NR2F1-AS1: variants seen among roughly 807,000 people sequenced by gnomAD.
The protein encoded by NR2F1-AS1 is NR2F1 antisense RNA 1.
chr5:93,479,059 G>A (rs1194260706), intron 4 of NR2F1-AS1, among the ~76,000 whole-genome samples: 1 of 152,182 alleles, frequency 6.6e-6, no homozygotes, highest in Non-Finnish European at 1.5e-5. Context: ...GTGTCTAGAG[G>A]AGTGCTTGAT....
chr5:93,417,155 G>A (rs938181280), intron 4 of NR2F1-AS1, among the ~76,000 whole-genome samples: 2 of 152,152 alleles, frequency 1.3e-5, no homozygotes, highest in East Asian at 1.9e-4. Flanking sequence ...AAGGAATAGT[G>A]CCATCCCCCT....
chr5:93,580,296 C>G (rs550417440), intron 1 of NR2F1-AS1, among the ~76,000 whole-genome samples: 68 of 152,384 alleles, frequency 4.5e-4, no homozygotes, highest in African/African-American at 1.6e-3. Flanking sequence ...GAGACAGAGG[C>G]CGAGCGAGGG....
chr5:93,557,648 C>T (rs1311344589), intron 2 of NR2F1-AS1, among the ~76,000 whole-genome samples: 3 of 151,988 alleles, frequency 2.0e-5, no homozygotes, highest in South Asian at 2.1e-4. Flanking sequence ...GAGAGTCTTG[C>T]CTTGAAGTTG....
chr5:93,483,736 C>G (rs1384661050), intron 4 of NR2F1-AS1, among the ~76,000 whole-genome samples: 1 of 152,088 alleles, frequency 6.6e-6, no homozygotes, highest in Non-Finnish European at 1.5e-5. Flanking sequence ...CTAGAATAAC[C>G]AGTTTAGAGA....
At chr5:93,521,460 G>C (rs772698930) in intron 4 of NR2F1-AS1, among the ~76,000 whole-genome samples, 4 of 152,048 alleles carry the variant, frequency 2.6e-5, no homozygotes, top group Non-Finnish European at 4.4e-5. Flanking sequence ...TGCAAACTAT[G>C]TACCCAACAG....
At chr5:93,526,026 T>C (rs760897077) in intron 4 of NR2F1-AS1, among the ~76,000 whole-genome samples, 25 of 151,610 alleles carry the variant, frequency 1.6e-4, no homozygotes, top group Admixed American at 9.9e-4. Context: ...CTGAAGGAGA[T>C]AGACACAAAA....
intron 4 of NR2F1-AS1, among the ~76,000 whole-genome samples, chr5:93,470,309 A>G (rs943601345): frequency 6.6e-6 from 1 of 151,948 alleles, no homozygotes; most frequent in African/African-American, 2.4e-5. Flanking sequence ...GTTTGAGAGC[A>G]TATGACCTTG....
chr5:93,490,327 T>A (rs1750808870), intron 4 of NR2F1-AS1, among the ~76,000 whole-genome samples: 1 of 152,238 alleles, frequency 6.6e-6, no homozygotes, highest in Non-Finnish European at 1.5e-5. Context: ...ATTTGGGCTA[T>A]CTACTATGTG....
chr5:93,569,137 G>T (rs1752683901), intron 1 of NR2F1-AS1, among the ~76,000 whole-genome samples: 2 of 152,030 alleles, frequency 1.3e-5, no homozygotes, highest in Non-Finnish European at 2.9e-5. Context: ...CCCTTACCTT[G>T]TCACCTAACA....
chr5:93,449,873 T>C (rs1408215661), intron 4 of NR2F1-AS1, among the ~76,000 whole-genome samples: 1 of 152,110 alleles, frequency 6.6e-6, no homozygotes. Context: ...ATGGAAACAG[T>C]AACTTTTTAA....
chr5:93,415,748 C>T (rs1027704540), intron 4 of NR2F1-AS1, among the ~76,000 whole-genome samples: 1 of 152,192 alleles, frequency 6.6e-6, no homozygotes, highest in Admixed American at 6.5e-5. Context: ...TTCATGCATA[C>T]ACTGCAGAAA....
At chr5:93,422,931 C>A (rs1235508065) in intron 4 of NR2F1-AS1, among the ~76,000 whole-genome samples, 1 of 152,162 alleles carries the variant, frequency 6.6e-6, no homozygotes, top group East Asian at 1.9e-4. Flanking sequence ...AGACAACAGC[C>A]CCTACCCCAG....
upstream of NR2F1-AS1, chr5:93,585,422 C>T: frequency 6.2e-7 from 1 of 1,614,156 alleles, no homozygotes; most frequent in Middle Eastern, 1.6e-4. Context: ...TCGACCAGCA[C>T]CACCGCAACC....
At chr5:93,481,180 T>C (rs1750592370) in intron 4 of NR2F1-AS1, among the ~76,000 whole-genome samples, 1 of 151,862 alleles carries the variant, frequency 6.6e-6, no homozygotes, top group South Asian at 2.1e-4. Context: ...AAAAAAATAT[T>C]CCATGCAAAT....
chr5:93,415,894 A>G (rs1283971809), intron 4 of NR2F1-AS1, among the ~76,000 whole-genome samples: 3 of 152,248 alleles, frequency 2.0e-5, no homozygotes, highest in African/African-American at 7.2e-5. Context: ...CATGGATGAG[A>G]GTTTTCAGGA....
upstream of NR2F1-AS1, among the ~76,000 whole-genome samples, chr5:93,582,952 G>C (rs1016407511): frequency 6.6e-6 from 1 of 152,054 alleles, no homozygotes; most frequent in African/African-American, 2.4e-5. Flanking sequence ...GCTAAGCGGG[G>C]GGGGGAGAAA....
At chr5:93,492,122 A>G (rs1750864524) in intron 4 of NR2F1-AS1, among the ~76,000 whole-genome samples, 1 of 152,166 alleles carries the variant, frequency 6.6e-6, no homozygotes, top group African/African-American at 2.4e-5. Flanking sequence ...AGATATTAGT[A>G]TTGACCTTTA....
chr5:93,417,864 G>A (rs557542543), intron 4 of NR2F1-AS1, among the ~76,000 whole-genome samples: 18 of 152,146 alleles, frequency 1.2e-4, no homozygotes, highest in Non-Finnish European at 2.5e-4. Flanking sequence ...TAATACACAG[G>A]GGATTTTTTT....
At chr5:93,504,303 A>T (rs978835148) in intron 4 of NR2F1-AS1, among the ~76,000 whole-genome samples, 4 of 152,222 alleles carry the variant, frequency 2.6e-5, no homozygotes, top group Non-Finnish European at 5.9e-5. Flanking sequence ...AAACAAACTA[A>T]ATTTGACTAA....
Sources: gnomAD v4.1 joint callset for allele counts (sites outside exome capture counted in the v4.1 genomes callset) on GRCh38, gnomAD v4.1.1 for gene constraint, MANE v1.5 for transcripts, NCBI Gene and HGNC (gene_info 2026-07-23, HGNC 2026-07-21) for gene names.